Variants in ZNF713 observed in about 807,000 individuals in gnomAD.
ZNF713 encodes zinc finger protein 713.
Under a neutral mutation model 28.7 loss-of-function variants are expected in ZNF713, and 21 were observed. That is an observed-to-expected ratio of 0.73 (90% CI 0.52 to 1.05). The LOEUF (loss-of-function observed/expected upper bound fraction) is 1.05, where lower values mean the gene tolerates loss of function less well. ZNF713 is among the 50% of genes least tolerant of loss of function. ZNF713 has a pLI of 0.00. For missense variants in ZNF713, 458 were observed against 532.4 expected, an observed-to-expected ratio of 0.86 and a Z score of 1.37; for synonymous variants, 167 against 178.0, an observed-to-expected ratio of 0.94 and a Z score of 0.49.
rs55656709 is a variant in ZNF713 at position 55,919,490 on chromosome 7, G to GTTTT, written c.88-3642_88-3639dup. Among the ~76,000 whole-genome samples the GTTTT allele has an allele frequency of 1.5e-3, 100 of 66,696 alleles. 6 individuals carry two copies. Among genetic ancestry groups the GTTTT allele is most frequent in the African/African-American group, 3.2e-3 (65 of 20,132 alleles). The allele number at this position is 66,696 out of a possible 152,430, so 43.8% of individuals were successfully genotyped here. On this transcript the variant is annotated intron_variant, in intron 4 of 6. Coordinates refer to ENST00000429591, the MANE Select transcript of ZNF713 (RefSeq NM_182633.3). ...GCTGGATAAATTGGTAAACACTCCA[G>GTTTT]TTTTTTTTTTTTTTTTTTTTTTTTT...
chr7:55,913,881 G>A (rs939025929), intron 4 of ZNF713, among the ~76,000 whole-genome samples: 4 of 152,142 alleles, frequency 2.6e-5, no homozygotes, highest in Non-Finnish European at 5.9e-5. Flanking sequence ...GGAGGCTGAG[G>A]TGGGCAGATC....
At position 55,939,335 on chromosome 7, in the gene ZNF713, G is replaced by C; in HGVS notation, c.661G>C (p.Asp221His). Reference protein sequence around the residue: ...TQGNSIKHNSDLIYYQGNYVR... With the variant: ...TQGNSIKHNSHLIYYQGNYVR... ...GGGAAACAGCATCAAACATAATTCA[G>C]ACTTGATTTACTATCAGGGAAATTA... Residue 221 changes from aspartate to histidine, a missense_variant, in exon 7 of 7, where the codon GAC (aspartate) becomes CAC (histidine). Asp to His is a moderately conservative substitution (Grantham distance 81). Transcript: ENST00000429591. 6.2e-7 allele frequency: 1 copy of C among 1,613,994 alleles called. No homozygotes were observed. Among genetic ancestry groups the C allele is most frequent in the Non-Finnish European group, 8.5e-7 (1 of 1,180,012 alleles).
chr7:55,895,077 ATT>A (rs1562734944), intron 1 of ZNF713, among the ~76,000 whole-genome samples: 1 of 152,196 alleles, frequency 6.6e-6, no homozygotes, highest in Non-Finnish European at 1.5e-5. Context: ...AAATGAGGGT[ATT>A]TCCATGGTAG....
At chr7:55,906,980 A>G (rs1330734660) in intron 2 of ZNF713, among the ~76,000 whole-genome samples, 1 of 152,224 alleles carries the variant, frequency 6.6e-6, no homozygotes, top group East Asian at 1.9e-4. Context: ...TTTATGTTAC[A>G]GCTCTGTGGT....
In ZNF713 at chr7:55,904,304, A is replaced by C. The variant is rs1785637914; in HGVS notation, c.-582-1949A>C. ...TGGTGAAACCTCACTTCTACTAAAA[A>C]TACAAAAATTAGCCAGGCATGGTAG... On this transcript the variant is annotated intron_variant, in intron 1 of 6. Transcript: ENST00000429591. 1.8e-5 allele frequency among the ~76,000 whole-genome samples: 2 copies of C among 111,966 alleles called. 1 individual carries two copies. The highest frequency in any genetic ancestry group is 4.0e-5 in the Non-Finnish European group (2 of 50,360). 73.5% of individuals were successfully genotyped at this position (111,966 alleles called of 152,430 possible).
Position 55,902,898 on chromosome 7 carries a change from C to T in ZNF713, c.-582-3355C>T, listed in dbSNP as rs150075421. 9.5e-4 allele frequency among the ~76,000 whole-genome samples: 141 copies of T among 148,214 alleles called. 2 individuals carry two copies. The highest frequency in any genetic ancestry group is 3.3e-3 in the African/African-American group (133 of 40,146). Reference sequence around the variant, plus strand: ...ATCCCAGCTACTTGGAAGGCTGAGGCAGGAGAAGCTCTTGAACCGGGGAGA... The same window carrying T: ...ATCCCAGCTACTTGGAAGGCTGAGGTAGGAGAAGCTCTTGAACCGGGGAGA... On this transcript the variant is annotated intron_variant, in intron 1 of 6. Transcript: ENST00000429591.
At chr7:55,892,448 C>A (rs1311553131) in intron 1 of ZNF713, among the ~76,000 whole-genome samples, 1 of 149,466 alleles carries the variant, frequency 6.7e-6, no homozygotes, top group Admixed American at 6.7e-5. Context: ...TGACAGAAAA[C>A]CCTATAACAA....
Position 55,936,904 on chromosome 7 carries a change from C to T in ZNF713, c.308-2078C>T, listed in dbSNP as rs141880579. Among the ~76,000 whole-genome samples the T allele has an allele frequency of 2.2e-4, 33 of 152,254 alleles. No individual in the cohort carries two copies. In the East Asian group the frequency reaches 6.2e-3, roughly 29 times the overall value. On this transcript the variant is annotated intron_variant, in intron 6 of 6. Transcript: ENST00000429591. Reference sequence around the variant, plus strand: ...GTTCTCCAAAATGAAGCCATTTTAACCATCTGCTAAGCTGAGTGAAGCCAC... The same window carrying T: ...GTTCTCCAAAATGAAGCCATTTTAATCATCTGCTAAGCTGAGTGAAGCCAC...
chr7:55,903,892 T>C (rs1562738057), intron 1 of ZNF713, among the ~76,000 whole-genome samples: 1 of 152,048 alleles, frequency 6.6e-6, no homozygotes, highest in Non-Finnish European at 1.5e-5. Context: ...CAGTCAGTCG[T>C]AGGATTCTTT....
chr7:55,900,086 G>A (rs572245205), intron 1 of ZNF713, among the ~76,000 whole-genome samples: 5 of 152,252 alleles, frequency 3.3e-5, no homozygotes, highest in African/African-American at 2.4e-5. Context: ...ATGCCAAAGC[G>A]ATATCTGTAC....
intron 6 of ZNF713, among the ~76,000 whole-genome samples, chr7:55,933,915 A>G (rs897671635): frequency 2.0e-5 from 3 of 152,042 alleles, no homozygotes; most frequent in South Asian, 2.1e-4. Flanking sequence ...CATGTTGCCC[A>G]GGCTGGTCTT....
chr7:55,923,330 G>A (rs1270283318), intron 5 of ZNF713, 42 bp downstream of exon 5: 2 of 1,575,526 alleles, frequency 1.3e-6, no homozygotes, highest in African/African-American at 2.7e-5. Context: ...CGTTCACGTG[G>A]GTTTATTTCC....
At chr7:55,927,572 A>T (rs1228811931) in intron 6 of ZNF713, among the ~76,000 whole-genome samples, 1 of 151,922 alleles carries the variant, frequency 6.6e-6, no homozygotes, top group African/African-American at 2.4e-5. Flanking sequence ...CTTGTTTATA[A>T]TGCTGAAGGG....
Position 55,915,290 on chromosome 7 carries a change from C to CAT in ZNF713, c.87+2568_87+2569insTA, listed in dbSNP as rs955685155. On this transcript the variant is annotated intron_variant, in intron 4 of 6. Transcript: ENST00000429591. ...ATGTTTAGAAGGAAGATGATTCATTCACTCAATAAATATTTTTTGAGTAGC... is the reference window on the plus strand; with the variant it reads ...ATGTTTAGAAGGAAGATGATTCATTCATACTCAATAAATATTTTTTGAGTAGC... 2.6e-5 allele frequency among the ~76,000 whole-genome samples: 4 copies of CAT among 152,240 alleles called. No individual in the cohort carries two copies. The East Asian group carries it at 7.7e-4, about 29-fold the overall frequency.
In ZNF713 at chr7:55,887,634, G is replaced by GAGCCTGC; in HGVS notation, c.-629_-628insAGCCTGC. 1.7e-5 allele frequency: 3 copies of GAGCCTGC among 178,402 alleles called. No individual in the cohort carries two copies. Among genetic ancestry groups the GAGCCTGC allele is most frequent in the Non-Finnish European group, 2.2e-5 (2 of 92,128 alleles). 11.1% of individuals were successfully genotyped at this position (178,402 alleles called of 1,614,324 possible). A position where few individuals can be genotyped will look rare whatever the true frequency, so the allele number is the denominator to read the frequency against. On this transcript the variant is annotated 5_prime_UTR_variant, in exon 1 of 7. Coordinates refer to ENST00000429591, the MANE Select transcript of ZNF713 (RefSeq NM_182633.3). ...GGCGGCGGCGGCGGCGGCGGCGGCG[G>GAGCCTGC]CGGCGTCAGGGGGCGGAGCCTGCCG...
At chr7:55,912,902 T>A (rs1050259992) in intron 4 of ZNF713, among the ~76,000 whole-genome samples, 179 bp downstream of exon 4, 4 of 152,220 alleles carry the variant, frequency 2.6e-5, no homozygotes, top group Non-Finnish European at 5.9e-5. Flanking sequence ...TTCTAGCTCT[T>A]CCCTCCTTCC....
In ZNF713 at chr7:55,906,266, G is replaced by A. The variant is rs1220834050; in HGVS notation, c.-569G>A. The stretch of plus-strand genomic sequence containing the variant: ...TCTTCCTTTTAGGTCAACATACCTG[G>A]CCTAAGGAGGCAGGATTGAGTGACT... On this transcript the variant is annotated 5_prime_UTR_variant, in exon 2 of 7. Transcript: ENST00000429591. The A allele has an allele frequency of 6.6e-6, 1 of 152,054 alleles. No individual in the cohort carries two copies. Among genetic ancestry groups the A allele is most frequent in the Non-Finnish European group, 1.5e-5 (1 of 68,034 alleles). 9.4% of individuals were successfully genotyped at this position (152,054 alleles called of 1,614,324 possible).
At chr7:55,907,335 G>C (rs2116202537) in intron 2 of ZNF713, among the ~76,000 whole-genome samples, 1 of 152,250 alleles carries the variant, frequency 6.6e-6, no homozygotes, top group East Asian at 1.9e-4. Context: ...CCTTCCAGTT[G>C]TGCCTGCCTT....
At chr7:55,907,788 T>C (rs1774530243) in intron 2 of ZNF713, among the ~76,000 whole-genome samples, 1 of 152,196 alleles carries the variant, frequency 6.6e-6, no homozygotes, top group South Asian at 2.1e-4. Flanking sequence ...AAAGGCATGA[T>C]TTCATTCTTT....
Sources: allele counts gnomAD v4.1 joint callset (sites outside exome capture counted in the v4.1 genomes callset), GRCh38; gene constraint gnomAD v4.1.1; transcripts MANE v1.5; gene names NCBI Gene and HGNC (gene_info 2026-07-23, HGNC 2026-07-21).